Variants in SIK3 observed in about 807,000 individuals in gnomAD.
The protein encoded by SIK3 is SIK family kinase 3.
A neutral mutation model predicts 144.2 loss-of-function variants in SIK3; 28 were observed. The ratio of observed to expected loss-of-function variants is 0.19; its 90% CI spans 0.14 to 0.27. The LOEUF is 0.27. Ranked by LOEUF, SIK3 falls within the 10% of genes least tolerant of loss-of-function variation. The pLI is 1.00. For missense variants in SIK3, 1,319 were observed against 1,776.0 expected (o/e 0.74, Z 4.62); for synonymous variants, 686 against 676.3 (o/e 1.01, Z -0.22).
chr11:117,034,047 T>C (rs1326811678), intron 1 of SIK3, among the ~76,000 whole-genome samples: 1 of 152,132 alleles, frequency 6.6e-6, no homozygotes, highest in African/African-American at 2.4e-5. Context: ...ATCGCTGCCA[T>C]GTATCATTCT....
chr11:117,048,634 C>A (rs891536975), intron 1 of SIK3, among the ~76,000 whole-genome samples: 2 of 151,240 alleles, frequency 1.3e-5, no homozygotes, highest in Non-Finnish European at 2.9e-5. Context: ...CCAGCCTGGG[C>A]AATAAGAGCG....
At chr11:116,970,055 C>T (rs901023394) in intron 1 of SIK3, among the ~76,000 whole-genome samples, 2 of 152,168 alleles carry the variant, frequency 1.3e-5, no homozygotes, top group Admixed American at 6.5e-5. Context: ...GTGAGATGAT[C>T]GCTTAAGCCC....
At chr11:116,872,675 CAA>C (rs1192253808) in intron 13 of SIK3, among the ~76,000 whole-genome samples, 1 of 152,096 alleles carries the variant, frequency 6.6e-6, no homozygotes, top group South Asian at 2.1e-4. Flanking sequence ...CTGTTGAACT[CAA>C]TAAAAAATGC....
chr11:116,846,370 G>A lies in SIK3; in HGVS notation c.*13+13C>T. On this transcript the variant is annotated intron_variant, in intron 24 of 24. Coordinates refer to ENST00000445177, the MANE Select transcript of SIK3 (RefSeq NM_001366686.3). The surrounding 1 kb of genome is among the most constrained non-coding windows in gnomAD (Gnocchi z 4.1). ...CACAGGGCTGGTTTGGCTCTGGCCAGGGTGACACTCACTCTCTGTTTCTTG... is the reference window on the plus strand; with the variant it reads ...CACAGGGCTGGTTTGGCTCTGGCCAAGGTGACACTCACTCTCTGTTTCTTG... 3 of 1,612,172 alleles carry A rather than the reference G, an allele frequency of 1.9e-6. No homozygotes were observed. The highest frequency in any genetic ancestry group is 2.5e-6 in the Non-Finnish European group (3 of 1,179,130).
intron 1 of SIK3, among the ~76,000 whole-genome samples, chr11:117,042,353 G>A (rs1001127731): frequency 1.3e-5 from 2 of 152,120 alleles, no homozygotes; most frequent in African/African-American, 4.8e-5. Flanking sequence ...AACGCAATTC[G>A]CAGGTAAGAA....
At chr11:116,952,897 TTAAAA>T (rs1448031907) in intron 3 of SIK3, among the ~76,000 whole-genome samples, 1 of 152,238 alleles carries the variant, frequency 6.6e-6, no homozygotes, top group East Asian at 1.9e-4. Context: ...TTTCATTTCT[TTAAAA>T]TAAAGTATCC....
chr11:117,000,695 A>G (rs577602267), intron 1 of SIK3, among the ~76,000 whole-genome samples: 1 of 152,328 alleles, frequency 6.6e-6, no homozygotes, highest in Non-Finnish European at 1.5e-5. Flanking sequence ...AACTTGTCCA[A>G]TTTATTCAGA....
In SIK3 at chr11:117,091,488, G is replaced by GAGCC. The variant is rs1309741877; in HGVS notation, c.273+6651_273+6654dup. On this transcript the variant is annotated intron_variant, in intron 1 of 24. Transcript: ENST00000445177. Reference sequence around the variant, plus strand: ...CCCAAAGTGCTGGAATTACAGGCGTGAGCCACCATGCCAGGCAAAACCTGA... The same window carrying GAGCC: ...CCCAAAGTGCTGGAATTACAGGCGTGAGCCAGCCACCATGCCAGGCAAAACCTGA... 1.2e-4 allele frequency among the ~76,000 whole-genome samples: 18 copies of GAGCC among 152,138 alleles called. 1 individual carries two copies. The highest frequency in any genetic ancestry group is 1.2e-3 in the Admixed American group (18 of 15,278).
At chr11:117,066,376 CT>C (rs1954017659) in intron 1 of SIK3, among the ~76,000 whole-genome samples, 2 of 151,370 alleles carry the variant, frequency 1.3e-5, no homozygotes, top group East Asian at 3.9e-4. Flanking sequence ...CCTCTAAAAA[CT>C]CTTGCTCTTC....
chr11:116,879,198 T>C (rs1288835701), intron 6 of SIK3, among the ~76,000 whole-genome samples: 1 of 152,188 alleles, frequency 6.6e-6, no homozygotes, highest in Non-Finnish European at 1.5e-5. Flanking sequence ...AAAATAAAAT[T>C]TTCTATAGGT....
intron 1 of SIK3, among the ~76,000 whole-genome samples, chr11:117,092,039 C>A (rs1955271577): frequency 6.6e-6 from 1 of 152,080 alleles, no homozygotes; most frequent in African/African-American, 2.4e-5. Context: ...TGCCTCATGC[C>A]CCCCCAAAGC....
chr11:117,000,242 T>A (rs1024078605), intron 1 of SIK3, among the ~76,000 whole-genome samples: 1 of 152,186 alleles, frequency 6.6e-6, no homozygotes, highest in African/African-American at 2.4e-5. Flanking sequence ...AAAAACGACT[T>A]CCTCAAACCT....
At chr11:116,940,502 A>G (rs1316933799) in intron 3 of SIK3, among the ~76,000 whole-genome samples, 1 of 152,116 alleles carries the variant, frequency 6.6e-6, no homozygotes, top group Non-Finnish European at 1.5e-5. Context: ...AAGTGCTGGG[A>G]TTACAGAAGT....
At chr11:117,021,960 A>AAAAC (rs1951794877) in intron 1 of SIK3, among the ~76,000 whole-genome samples, 1 of 139,890 alleles carries the variant, frequency 7.1e-6, no homozygotes, top group African/African-American at 2.6e-5. Flanking sequence ...AAAAAAAAAA[A>AAAAC]ACCTAAAAAT....
chr11:116,924,768 G>GTGTC (rs1318878227), intron 4 of SIK3, among the ~76,000 whole-genome samples: 2 of 152,184 alleles, frequency 1.3e-5, no homozygotes, highest in Admixed American at 6.5e-5. Flanking sequence ...GGGGCTGGGG[G>GTGTC]TGTCCTCTGC....
At chr11:116,916,487 T>C (rs1946636577) in intron 4 of SIK3, among the ~76,000 whole-genome samples, 2 of 151,994 alleles carry the variant, frequency 1.3e-5, no homozygotes, top group African/African-American at 4.8e-5. Context: ...TGCTTTAATT[T>C]TAAATTTCTA....
rs575129567 is a variant in SIK3 at position 117,021,953 on chromosome 11, A to C, written c.274-64889T>G. Among the ~76,000 whole-genome samples the C allele has an allele frequency of 7.2e-4, 107 of 149,378 alleles. 1 individual carries two copies. The highest frequency in any genetic ancestry group is 2.7e-3 in the South Asian group (13 of 4,754). Reference sequence around the variant, plus strand: ...CAAAAAAAAAAAAAAAAAAAAAAAAAAAAAAAAACCTAAAAATAACAAAAT... The same window carrying C: ...CAAAAAAAAAAAAAAAAAAAAAAAACAAAAAAAACCTAAAAATAACAAAAT... On this transcript the variant is annotated intron_variant, in intron 1 of 24. Coordinates refer to ENST00000445177, the MANE Select transcript of SIK3 (RefSeq NM_001366686.3).
intron 3 of SIK3, among the ~76,000 whole-genome samples, chr11:116,930,737 T>C (rs1016548479): frequency 6.8e-4 from 103 of 152,242 alleles, no homozygotes; most frequent in Non-Finnish European, 1.3e-3. Context: ...TCATCCACAC[T>C]GCAGCCATGC....
At chr11:116,897,790 G>A (rs1205936517) in intron 4 of SIK3, among the ~76,000 whole-genome samples, 1 of 152,122 alleles carries the variant, frequency 6.6e-6, no homozygotes, top group African/African-American at 2.4e-5. Flanking sequence ...GGCTGAGGCA[G>A]GGGAATTGCT....
Sources: gnomAD v4.1 joint callset for allele counts (sites outside exome capture counted in the v4.1 genomes callset) on GRCh38, gnomAD v4.1.1 for gene constraint, Gnocchi (gnomAD v3.1) non-coding constraint, MANE v1.5 for transcripts, NCBI Gene and HGNC (gene_info 2026-07-23, HGNC 2026-07-21) for gene names.